The following LRFN2 variants were observed in gnomAD, a reference collection of about 807,000 sequenced individuals.
LRFN2 encodes leucine-rich repeat and fibronectin type-III domain-containing protein 2.
Under a neutral mutation model 37.3 loss-of-function variants are expected in LRFN2, and 18 were observed. That is an observed-to-expected ratio of 0.48 (90% CI 0.33 to 0.72). The LOEUF (loss-of-function observed/expected upper bound fraction) is 0.72. Ranked by LOEUF, LRFN2 falls within the 30% of genes least tolerant of loss-of-function variation. The pLI, the probability that LRFN2 is intolerant of heterozygous loss-of-function variation, is 0.02. For missense variants in LRFN2, 1,006 were observed against 1,060.7 expected, an observed-to-expected ratio of 0.95 and a Z score of 0.72; for synonymous variants, 556 against 466.6, an observed-to-expected ratio of 1.19 and a Z score of -2.47.
At chr6:40,482,028 G>A (rs1764842404) in intron 1 of LRFN2, among the ~76,000 whole-genome samples, 1 of 152,218 alleles carries the variant, frequency 6.6e-6, no homozygotes, top group Non-Finnish European at 1.5e-5. Context: ...GCAGTTACCA[G>A]TTACCTAGCT....
rs548103867 is a variant in LRFN2, at chr6:40,421,570, T to C, written c.1400+10144A>G. Among the ~76,000 whole-genome samples, 12 of 152,332 alleles carry C rather than the reference T, an allele frequency of 7.9e-5. No individual in the cohort carries two copies. The East Asian group carries it at 1.9e-3, about 24-fold the overall frequency. On this transcript the variant is annotated intron_variant, in intron 2 of 2. Coordinates refer to ENST00000338305, the MANE Select transcript of LRFN2 (RefSeq NM_020737.3). Reference sequence around the variant, plus strand: ...AAGAGTAGTGGAGACCAAGGTTTTATCATGCAGATGAAGCCTCCAGGTAGC... The same window carrying C: ...AAGAGTAGTGGAGACCAAGGTTTTACCATGCAGATGAAGCCTCCAGGTAGC...
chr6:40,478,817 A>G (rs901906920), intron 1 of LRFN2, among the ~76,000 whole-genome samples: 1 of 152,110 alleles, frequency 6.6e-6, no homozygotes, highest in South Asian at 2.1e-4. Context: ...TCTGAAATAC[A>G]TTTTCTATTG....
intron 1 of LRFN2, among the ~76,000 whole-genome samples, chr6:40,520,593 G>A (rs550929028): frequency 6.6e-6 from 1 of 152,150 alleles, no homozygotes; most frequent in Non-Finnish European, 1.5e-5. Context: ...TCCTCATCGG[G>A]AAGGTCCCCT....
chr6:40,515,032 C>T (rs989557483), intron 1 of LRFN2, among the ~76,000 whole-genome samples: 24 of 152,246 alleles, frequency 1.6e-4, no homozygotes, highest in South Asian at 4.1e-4. Flanking sequence ...GTCCTGGTCA[C>T]TCTCTAGTGG....
intron 1 of LRFN2, among the ~76,000 whole-genome samples, chr6:40,563,809 C>A (rs1448090595): frequency 2.0e-5 from 3 of 152,210 alleles, no homozygotes. Context: ...TCTTCAATAA[C>A]TTCCCTGTCC....
intron 1 of LRFN2, among the ~76,000 whole-genome samples, chr6:40,494,747 C>T (rs1462502273): frequency 6.6e-6 from 1 of 152,138 alleles, no homozygotes; most frequent in Non-Finnish European, 1.5e-5. Context: ...TTTCAAGCAG[C>T]CCCATGATTG....
At chr6:40,503,786 C>T (rs982548971) in intron 1 of LRFN2, among the ~76,000 whole-genome samples, 10 of 152,062 alleles carry the variant, frequency 6.6e-5, no homozygotes, top group Middle Eastern at 3.4e-3. Flanking sequence ...CCTGGAAGGA[C>T]GAGGTTGGTG....
intron 1 of LRFN2, among the ~76,000 whole-genome samples, chr6:40,543,086 A>G (rs1766586614): frequency 1.3e-5 from 2 of 152,254 alleles, no homozygotes; most frequent in South Asian, 4.1e-4. Context: ...TGCCAGCTCC[A>G]GAAGCTGTGA....
intron 2 of LRFN2, among the ~76,000 whole-genome samples, chr6:40,415,417 G>A (rs528346445): frequency 6.6e-6 from 1 of 152,150 alleles, no homozygotes; most frequent in South Asian, 2.1e-4. Context: ...GTAGAGACGA[G>A]GTTTCACCAT....
At chr6:40,400,987 AC>A (rs1762727266) in intron 2 of LRFN2, among the ~76,000 whole-genome samples, 1 of 150,842 alleles carries the variant, frequency 6.6e-6, no homozygotes, top group South Asian at 2.1e-4. Context: ...CTTTCAACCA[AC>A]CCCCTAACCC....
chr6:40,478,868 A>AGCTGATCACATG (rs1160995199), intron 1 of LRFN2, among the ~76,000 whole-genome samples: 8 of 152,236 alleles, frequency 5.3e-5, no homozygotes, highest in Non-Finnish European at 1.2e-4. Flanking sequence ...TTGGCTATCC[A>AGCTGATCACATG]GCTGATCACA....
At chr6:40,550,132 C>T (rs943736801) in intron 1 of LRFN2, among the ~76,000 whole-genome samples, 1 of 152,166 alleles carries the variant, frequency 6.6e-6, no homozygotes, top group African/African-American at 2.4e-5. Context: ...GCGGCACAGC[C>T]AGTAAGCAAA....
chr6:40,579,861 G>T (rs573250179), intron 1 of LRFN2, among the ~76,000 whole-genome samples: 1 of 149,792 alleles, frequency 6.7e-6, no homozygotes, highest in Non-Finnish European at 1.5e-5. Flanking sequence ...TTCAATTAAT[G>T]CTTGCTGAAT....
chr6:40,453,789 C>T (rs1441258878), intron 1 of LRFN2, among the ~76,000 whole-genome samples: 1 of 152,182 alleles, frequency 6.6e-6, no homozygotes, highest in Non-Finnish European at 1.5e-5. Context: ...CAGTAAGTCA[C>T]TGATACTGAC....
At position 40,429,552 on chromosome 6, in the gene LRFN2, G is replaced by A. The variant is rs1267723672; in HGVS notation, c.1400+2162C>T. 3.9e-5 allele frequency among the ~76,000 whole-genome samples: 6 copies of A among 152,194 alleles called. No individual in the cohort carries two copies. The East Asian group carries it at 9.6e-4, about 24-fold the overall frequency. The stretch of plus-strand genomic sequence containing the variant: ...ATTTTTCACCTCTCAAATTGGCAAA[G>A]ATGAAAGTAATTATATATTCAATAT... On this transcript the variant is annotated intron_variant, in intron 2 of 2. Transcript: ENST00000338305.
At chr6:40,507,133 G>C (rs1765565818) in intron 1 of LRFN2, among the ~76,000 whole-genome samples, 1 of 152,160 alleles carries the variant, frequency 6.6e-6, no homozygotes, top group Non-Finnish European at 1.5e-5. Flanking sequence ...AGGATCCTGG[G>C]GATGGATGCC....
chr6:40,476,555 C>G (rs572534144), intron 1 of LRFN2, among the ~76,000 whole-genome samples: 3 of 152,246 alleles, frequency 2.0e-5, no homozygotes, highest in African/African-American at 7.2e-5. Flanking sequence ...GTCAAACTTG[C>G]TGTTTCCCAT....
chr6:40,451,299 T>TGG (rs1215980204), intron 1 of LRFN2, among the ~76,000 whole-genome samples: 1 of 152,160 alleles, frequency 6.6e-6, no homozygotes, highest in Non-Finnish European at 1.5e-5. Context: ...TGGCAAGAAG[T>TGG]GGGGCCTCAC....
At chr6:40,583,661 C>T (rs1213365858) in intron 1 of LRFN2, among the ~76,000 whole-genome samples, 4 of 152,166 alleles carry the variant, frequency 2.6e-5, no homozygotes, top group Non-Finnish European at 5.9e-5. Context: ...TGGGGGATGA[C>T]CATTAGCATC....
Sources: allele counts gnomAD v4.1 joint callset (sites outside exome capture counted in the v4.1 genomes callset), GRCh38; gene constraint gnomAD v4.1.1; transcripts MANE v1.5; gene names NCBI Gene and HGNC (gene_info 2026-07-23, HGNC 2026-07-21).